The following PRORP variants were observed in gnomAD, a reference collection of about 807,000 sequenced individuals.
The protein encoded by PRORP is mitochondrial ribonuclease P catalytic subunit.
In PRORP, 51 loss-of-function variants were observed where a neutral mutation model predicts 59.4. The observed-to-expected ratio is 0.86, with a 90% CI of 0.69 to 1.08. The LOEUF (loss-of-function observed/expected upper bound fraction) is 1.08. PRORP is among the 50% of genes least tolerant of loss of function. The pLI is 0.00. For missense variants in PRORP, 646 were observed against 690.3 expected (o/e 0.94, Z 0.72); for synonymous variants, 231 against 245.6 (o/e 0.94, Z 0.55).
At chr14:35,253,240 G>A (rs1289324794) in intron 5 of PRORP, among the ~76,000 whole-genome samples, 1 of 151,258 alleles carries the variant, frequency 6.6e-6, no homozygotes, top group Non-Finnish European at 1.5e-5. Context: ...AGGTGGAGGC[G>A]AATCACTTGA....
intron 4 of PRORP, among the ~76,000 whole-genome samples, chr14:35,138,131 G>C (rs990654463): frequency 6.9e-6 from 1 of 145,538 alleles, no homozygotes; most frequent in African/African-American, 2.4e-5. Context: ...CCTTCTTGTG[G>C]TATCTTCACA....
intron 4 of PRORP, among the ~76,000 whole-genome samples, chr14:35,148,731 C>A (rs1345977553): frequency 6.6e-6 from 1 of 152,018 alleles, no homozygotes; most frequent in Non-Finnish European, 1.5e-5. Flanking sequence ...TGTTTTGTCT[C>A]CACGGAAAAT....
intron 4 of PRORP, among the ~76,000 whole-genome samples, chr14:35,147,094 C>T: frequency 6.6e-6 from 1 of 151,960 alleles, no homozygotes; most frequent in Non-Finnish European, 1.5e-5. Context: ...TGAGACTCTG[C>T]CTCTAAACAA....
chr14:35,218,322 G>A (rs2049660278), intron 5 of PRORP, among the ~76,000 whole-genome samples: 1 of 151,640 alleles, frequency 6.6e-6, no homozygotes, highest in Non-Finnish European at 1.5e-5. Flanking sequence ...TTGGCTGGGT[G>A]TGGTGGTGTG....
Position 35,148,431 on chromosome 14 carries a change from C to G in PRORP, c.1167+20820C>G, listed in dbSNP as rs115913347. ...ATTTTGAAGAGTCTTTTTTTTGGAG[C>G]AGTAGGTCTCCACAGTGGGCTTGAA... On this transcript the variant is annotated intron_variant, in intron 4 of 7. Coordinates refer to ENST00000534898, the MANE Select transcript of PRORP (RefSeq NM_014672.4). Among the ~76,000 whole-genome samples, 948 of 152,104 alleles carry G rather than the reference C, an allele frequency of 6.2e-3. 14 individuals carry two copies. Among genetic ancestry groups the G allele is most frequent in the African/African-American group, 0.022 (915 of 41,522 alleles).
At chr14:35,178,506 T>G (rs1370269513) in intron 4 of PRORP, among the ~76,000 whole-genome samples, 9 of 152,224 alleles carry the variant, frequency 5.9e-5, no homozygotes, top group Admixed American at 5.9e-4. Flanking sequence ...ATGGCCTTCT[T>G]TGTCTCTTTT....
Position 35,172,413 on chromosome 14 carries a change from T to TTCC in PRORP, c.1168-8256_1168-8255insCCT, listed in dbSNP as rs2048332703. Among the ~76,000 whole-genome samples, 468 of 77,608 alleles carry TTCC rather than the reference T, an allele frequency of 6.0e-3. 14 individuals carry two copies. The highest frequency in any genetic ancestry group is 0.019 in the African/African-American group (410 of 21,092). 50.9% of individuals were successfully genotyped at this position (77,608 alleles called of 152,430 possible). ...TCTACACTTTGGATTGGTTTCTTTC[T>TTCC]TTCCTTCCTTCCTTCCTTCCTTCCT... On this transcript the variant is annotated intron_variant, in intron 4 of 7. Transcript: ENST00000534898.
intron 5 of PRORP, among the ~76,000 whole-genome samples, chr14:35,210,461 C>G (rs1480087506): frequency 6.6e-6 from 1 of 151,450 alleles, no homozygotes; most frequent in Non-Finnish European, 1.5e-5. Context: ...TTGTTTTTAA[C>G]TTTTAGTTTG....
chr14:35,262,695 A>G lies in PRORP; in HGVS notation c.1276-4032A>G, dbSNP rs188249223. The G allele has an allele frequency of 2.3e-4, 190 of 809,330 alleles. 1 individual carries two copies. In the African/African-American group the frequency reaches 2.8e-3, roughly 12 times the overall value. The allele number at this position is 809,330 out of a possible 1,614,324, so 50.1% of individuals were successfully genotyped here. Reference sequence around the variant, plus strand: ...GACTATTTGTAGTCATGTACAGAACATGATCAAGGGTGTTACACTGGGCTT... The same window carrying G: ...GACTATTTGTAGTCATGTACAGAACGTGATCAAGGGTGTTACACTGGGCTT... On this transcript the variant is annotated intron_variant, in intron 5 of 7. Transcript: ENST00000534898.
In PRORP at chr14:35,275,150, A is replaced by G. The variant is rs1464494774; in HGVS notation, c.*1584A>G. ...TGATTTGGGTAATAGTAACATAGCT[A>G]TATGTATATATTAGTTAAAATTCCT... On this transcript the variant is annotated 3_prime_UTR_variant, in exon 8 of 8. Coordinates refer to ENST00000534898, the MANE Select transcript of PRORP (RefSeq NM_014672.4). 6.6e-6 allele frequency: 1 copy of G among 152,198 alleles called. No individual in the cohort carries two copies. Among genetic ancestry groups the G allele is most frequent in the African/African-American group, 2.4e-5 (1 of 41,446 alleles). 9.4% of individuals were successfully genotyped at this position (152,198 alleles called of 1,614,324 possible).
chr14:35,204,083 C>CA (rs2049229277), intron 5 of PRORP, among the ~76,000 whole-genome samples: 1 of 152,184 alleles, frequency 6.6e-6, no homozygotes, highest in Non-Finnish European at 1.5e-5. Flanking sequence ...CTGGCAACCA[C>CA]AAAAAACTTC....
At chr14:35,177,794 A>C (rs1437551732) in intron 4 of PRORP, among the ~76,000 whole-genome samples, 2 of 151,940 alleles carry the variant, frequency 1.3e-5, no homozygotes, top group Non-Finnish European at 2.9e-5. Context: ...TAGCTTTTGA[A>C]TGTGTTTGCT....
intron 5 of PRORP, among the ~76,000 whole-genome samples, chr14:35,214,151 C>G (rs1244550751): frequency 1.3e-5 from 2 of 152,124 alleles, no homozygotes; most frequent in Non-Finnish European, 2.9e-5. Context: ...AAGAGGAAAA[C>G]AGCATGTTCT....
At chr14:35,191,001 T>C (rs975082824) in intron 5 of PRORP, among the ~76,000 whole-genome samples, 10 of 152,242 alleles carry the variant, frequency 6.6e-5, no homozygotes, top group African/African-American at 2.4e-4. Context: ...TTTCTTTTTA[T>C]GAACAACCAT....
At chr14:35,198,168 A>G (rs2049053770) in intron 5 of PRORP, among the ~76,000 whole-genome samples, 1 of 152,242 alleles carries the variant, frequency 6.6e-6, no homozygotes, top group Non-Finnish European at 1.5e-5. Context: ...AGCTATTTCC[A>G]CTATAAGACT....
At chr14:35,252,938 T>C (rs1471784562) in intron 5 of PRORP, among the ~76,000 whole-genome samples, 3 of 152,196 alleles carry the variant, frequency 2.0e-5, no homozygotes, top group Non-Finnish European at 4.4e-5. Flanking sequence ...GGAACCTTGT[T>C]TTCCTTTCTG....
intron 5 of PRORP, among the ~76,000 whole-genome samples, chr14:35,224,164 G>T (rs1292764873): frequency 1.3e-5 from 2 of 152,182 alleles, no homozygotes; most frequent in Admixed American, 1.3e-4. Context: ...ATAGGGGAAA[G>T]AAAGGACAGA....
At chr14:35,252,804 A>C (rs778955323) in intron 5 of PRORP, among the ~76,000 whole-genome samples, 1 of 152,064 alleles carries the variant, frequency 6.6e-6, no homozygotes, top group Non-Finnish European at 1.5e-5. Flanking sequence ...TACCACATAC[A>C]CACACCTACA....
At chr14:35,240,770 T>G (rs528609710) in intron 5 of PRORP, among the ~76,000 whole-genome samples, 22 of 152,310 alleles carry the variant, frequency 1.4e-4, no homozygotes, top group African/African-American at 5.3e-4. Flanking sequence ...TGAAATTGCC[T>G]CCTCAATTAG....
Sources: gnomAD v4.1 joint callset for allele counts (sites outside exome capture counted in the v4.1 genomes callset) on GRCh38, gnomAD v4.1.1 for gene constraint, MANE v1.5 for transcripts, NCBI Gene and HGNC (gene_info 2026-07-23, HGNC 2026-07-21) for gene names.